PPARGC1A: variants seen among roughly 807,000 people sequenced by gnomAD.
PPARGC1A encodes PPARG coactivator 1 alpha.
A neutral mutation model predicts 88.7 loss-of-function variants in PPARGC1A; 25 were observed. That is an observed-to-expected ratio of 0.28 (90% CI 0.21 to 0.39). PPARGC1A has a LOEUF of 0.39. Ranked by LOEUF, PPARGC1A falls within the 10% of genes least tolerant of loss-of-function variation. The pLI is 1.00. For missense variants in PPARGC1A, 880 were observed against 968.7 expected (o/e 0.91, Z 1.22); for synonymous variants, 363 against 355.6 (o/e 1.02, Z -0.24).
the PPARGC1A span, among the ~76,000 whole-genome samples, chr4:24,055,890 T>C: frequency 6.6e-6 from 1 of 152,218 alleles, no homozygotes; most frequent in Non-Finnish European, 1.5e-5. Flanking sequence ...TTTTAATGAT[T>C]AAATCAGTCT....
chr4:23,984,091 T>A, the PPARGC1A span, among the ~76,000 whole-genome samples: 1 of 152,226 alleles, frequency 6.6e-6, no homozygotes, highest in South Asian at 2.1e-4. Flanking sequence ...CATTTTAAAG[T>A]TAGATTACAA....
chr4:24,093,567 C>T, the PPARGC1A span, among the ~76,000 whole-genome samples: 10 of 152,118 alleles, frequency 6.6e-5, no homozygotes, highest in Non-Finnish European at 1.0e-4. Context: ...GACCAAGTTT[C>T]CAGAAAATTT....
the PPARGC1A span, among the ~76,000 whole-genome samples, chr4:23,936,604 G>A: frequency 2.0e-5 from 3 of 152,184 alleles, no homozygotes; most frequent in Admixed American, 1.3e-4. Flanking sequence ...AGGCATGGTG[G>A]CAGGCGCCTG....
chr4:24,135,525 C>T, the PPARGC1A span, among the ~76,000 whole-genome samples: 1 of 152,122 alleles, frequency 6.6e-6, no homozygotes, highest in African/African-American at 2.4e-5. Context: ...CAACTCAGTG[C>T]TCCTTGTGAT....
chr4:23,817,349 T>G (rs2109509876), intron 7 of PPARGC1A, among the ~76,000 whole-genome samples: 1 of 152,226 alleles, frequency 6.6e-6, no homozygotes, highest in South Asian at 2.1e-4. Flanking sequence ...AAACAAAGCC[T>G]TTTACCTCTG....
chr4:23,995,037 G>A, the PPARGC1A span, among the ~76,000 whole-genome samples: 2 of 152,210 alleles, frequency 1.3e-5, no homozygotes, highest in South Asian at 4.2e-4. Flanking sequence ...ATAACTTATT[G>A]TGAGTCTAAA....
chr4:23,836,634 A>T (rs1391315965), intron 2 of PPARGC1A, among the ~76,000 whole-genome samples: 2 of 152,236 alleles, frequency 1.3e-5, no homozygotes, highest in Admixed American at 6.5e-5. Flanking sequence ...GGGACAGCTG[A>T]GTCCCTCTAT....
At chr4:23,867,353 C>T (rs1264538344) in intron 2 of PPARGC1A, among the ~76,000 whole-genome samples, 2 of 152,110 alleles carry the variant, frequency 1.3e-5, no homozygotes, top group African/African-American at 4.8e-5. Context: ...TAAATTAGTG[C>T]CTAGCATGTA....
chr4:24,042,593 C>T, the PPARGC1A span, among the ~76,000 whole-genome samples: 1 of 152,142 alleles, frequency 6.6e-6, no homozygotes, highest in African/African-American at 2.4e-5. Context: ...ACAAAGGAGC[C>T]AATGCAATAG....
chr4:24,435,146 C>T, the PPARGC1A span, among the ~76,000 whole-genome samples: 1 of 152,166 alleles, frequency 6.6e-6, no homozygotes, highest in Non-Finnish European at 1.5e-5. Context: ...GGGACCTTCT[C>T]TAGAAATACA....
upstream of PPARGC1A, chr4:23,890,191 C>T: frequency 1.3e-6 from 1 of 750,286 alleles, no homozygotes; most frequent in Non-Finnish European, 1.8e-6. Flanking sequence ...TCAAAGGCAG[C>T]CCTCTGCTTC....
At chr4:24,423,419 C>T in the PPARGC1A span, among the ~76,000 whole-genome samples, 1 of 152,114 alleles carries the variant, frequency 6.6e-6, no homozygotes, top group Admixed American at 6.6e-5. Context: ...CCATTCAGTT[C>T]TGTTAAACTA....
the PPARGC1A span, among the ~76,000 whole-genome samples, chr4:24,401,045 G>A: frequency 3.5e-5 from 4 of 113,864 alleles, no homozygotes; most frequent in South Asian, 3.0e-4. Flanking sequence ...TTGAGACAGA[G>A]TCTCGCTCTG....
At chr4:24,313,272 A>G in the PPARGC1A span, among the ~76,000 whole-genome samples, 2 of 152,188 alleles carry the variant, frequency 1.3e-5, no homozygotes, top group African/African-American at 4.8e-5. Flanking sequence ...GAATAAGGCA[A>G]TAATGGGAAA....
the PPARGC1A span, among the ~76,000 whole-genome samples, chr4:23,925,740 A>G: frequency 6.6e-6 from 1 of 152,194 alleles, no homozygotes; most frequent in Non-Finnish European, 1.5e-5. Context: ...ATCATTTTTC[A>G]TGTCCAACTG....
chr4:23,988,683 C>A, the PPARGC1A span, among the ~76,000 whole-genome samples: 3 of 151,298 alleles, frequency 2.0e-5, no homozygotes, highest in Admixed American at 6.6e-5. Flanking sequence ...TTAAATACAA[C>A]ACATAAAAAG....
chr4:23,884,997 A>T, intron 1 of PPARGC1A, 66 bp from the exon 2 acceptor site: 4 of 1,362,918 alleles, frequency 2.9e-6, no homozygotes, highest in Non-Finnish European at 3.9e-6. Flanking sequence ...ATTAAACTGC[A>T]ATAGCATGTG....
chr4:24,232,190 AC>A, the PPARGC1A span, among the ~76,000 whole-genome samples: 1 of 149,234 alleles, frequency 6.7e-6, no homozygotes, highest in Non-Finnish European at 1.5e-5. Flanking sequence ...TGAGAGAGGG[AC>A]AGGAAGGATT....
chr4:24,032,452 ACT>A, the PPARGC1A span, among the ~76,000 whole-genome samples: 1 of 152,178 alleles, frequency 6.6e-6, no homozygotes, highest in African/African-American at 2.4e-5. Flanking sequence ...CCAGCTGACC[ACT>A]GAGCTACCAT....
Sources: gnomAD v4.1 joint callset for allele counts (sites outside exome capture counted in the v4.1 genomes callset) on GRCh38, gnomAD v4.1.1 for gene constraint, MANE v1.5 for transcripts, NCBI Gene and HGNC (gene_info 2026-07-23, HGNC 2026-07-21) for gene names.